SOX5: variants seen among roughly 807,000 people sequenced by gnomAD.
SOX5 encodes SRY-box transcription factor 5.
SOX5 carries 9 observed loss-of-function variants against 92.0 expected under a neutral mutation model. That is an observed-to-expected ratio of 0.10 (90% confidence interval 0.06 to 0.17). The LOEUF is 0.17. Among genes scored for constraint, SOX5 ranks in the 10% least tolerant of loss-of-function variants. The pLI, the probability that SOX5 is intolerant of heterozygous loss-of-function variation, is 1.00. For synonymous variants in SOX5, 344 were observed against 336.3 expected (o/e 1.02, Z -0.25); for missense variants, 642 against 944.5 (o/e 0.68, Z 4.20).
intron 4 of SOX5, among the ~76,000 whole-genome samples, chr12:24,035,134 G>A (rs1009171438): frequency 7.9e-5 from 12 of 152,044 alleles, no homozygotes; most frequent in Non-Finnish European, 1.6e-4. Context: ...TGGCAGTGAC[G>A]CCCTTTGTGA....
chr12:23,902,279 C>A (rs941862050), intron 1 of SOX5, among the ~76,000 whole-genome samples: 5 of 152,020 alleles, frequency 3.3e-5, no homozygotes, highest in African/African-American at 1.2e-4. Flanking sequence ...GATTGCTTTC[C>A]TTATATAGTA....
chr12:24,466,523 C>G (rs1436865885), intron 1 of SOX5, among the ~76,000 whole-genome samples: 1 of 152,184 alleles, frequency 6.6e-6, no homozygotes, highest in Non-Finnish European at 1.5e-5. Context: ...GTTTGTAGAA[C>G]ACATACTAGT....
chr12:24,475,147 G>A (rs1398133193), intron 1 of SOX5, among the ~76,000 whole-genome samples: 1 of 152,096 alleles, frequency 6.6e-6, no homozygotes, highest in Non-Finnish European at 1.5e-5. Context: ...CCCTTAATGA[G>A]AATTCTCTAT....
At chr12:23,777,186 C>T (rs897387700) in intron 3 of SOX5, among the ~76,000 whole-genome samples, 26 of 152,100 alleles carry the variant, frequency 1.7e-4, no homozygotes, top group African/African-American at 6.0e-4. Flanking sequence ...CTCAAGATTA[C>T]ATAGGATTTG....
At chr12:24,304,636 G>A (rs1387288326) in intron 2 of SOX5, among the ~76,000 whole-genome samples, 1 of 152,104 alleles carries the variant, frequency 6.6e-6, no homozygotes, top group Admixed American at 6.5e-5. Flanking sequence ...TCGTATTTTA[G>A]CTCAAATCAC....
chr12:23,537,991 T>A (rs1402063795), intron 13 of SOX5, among the ~76,000 whole-genome samples: 1 of 151,914 alleles, frequency 6.6e-6, no homozygotes. Flanking sequence ...GCAGATGAAG[T>A]GTGTTTATCT....
intron 3 of SOX5, among the ~76,000 whole-genome samples, chr12:23,780,338 T>C (rs2095250067): frequency 6.6e-6 from 1 of 151,998 alleles, no homozygotes; most frequent in Non-Finnish European, 1.5e-5. Flanking sequence ...CTAAGTTATA[T>C]GCTCAACACT....
At chr12:24,041,366 C>T (rs80231107) in intron 4 of SOX5, among the ~76,000 whole-genome samples, 2,182 of 152,234 alleles carry the variant, frequency 0.014, 22 homozygotes, top group Middle Eastern at 0.031. Flanking sequence ...ATATTACTTA[C>T]TAGCAATACC....
At chr12:24,400,899 A>C (rs78845718) in intron 1 of SOX5, among the ~76,000 whole-genome samples, 3,210 of 152,346 alleles carry the variant, frequency 0.021, 105 homozygotes, top group African/African-American at 0.07. Context: ...AAGTGTTGGC[A>C]CAGTATGGCC....
At chr12:23,822,248 CT>C (rs2096134527) in intron 3 of SOX5, among the ~76,000 whole-genome samples, 1 of 152,086 alleles carries the variant, frequency 6.6e-6, no homozygotes, top group African/African-American at 2.4e-5. Flanking sequence ...CCACTTTCTC[CT>C]GTGGGCATTT....
At chr12:24,015,844 T>G (rs1389949051) in intron 4 of SOX5, among the ~76,000 whole-genome samples, 1 of 151,440 alleles carries the variant, frequency 6.6e-6, no homozygotes, top group Non-Finnish European at 1.5e-5. Flanking sequence ...GGTGGTTAGC[T>G]CAAATGAAGC....
At chr12:23,651,899 T>C (rs1212533471) in intron 7 of SOX5, among the ~76,000 whole-genome samples, 1 of 151,820 alleles carries the variant, frequency 6.6e-6, no homozygotes, top group Admixed American at 6.6e-5. Context: ...AAAAATTATT[T>C]AGAAGGCTGA....
At chr12:23,884,661 T>A (rs2097042384) in intron 2 of SOX5, among the ~76,000 whole-genome samples, 2 of 152,220 alleles carry the variant, frequency 1.3e-5, no homozygotes, top group African/African-American at 4.8e-5. Flanking sequence ...GTGCAGAAAC[T>A]GAGCAGAATT....
intron 6 of SOX5, among the ~76,000 whole-genome samples, chr12:23,703,744 A>G (rs2090993693): frequency 6.6e-6 from 1 of 151,754 alleles, no homozygotes; most frequent in Admixed American, 6.6e-5. Flanking sequence ...ACACACACAC[A>G]CACACACAAA....
intron 3 of SOX5, among the ~76,000 whole-genome samples, chr12:24,270,548 G>T (rs1032630147): frequency 6.6e-6 from 1 of 152,126 alleles, no homozygotes; most frequent in Middle Eastern, 3.2e-3. Flanking sequence ...TATATGTACA[G>T]AATATGTTCA....
intron 6 of SOX5, among the ~76,000 whole-genome samples, chr12:23,672,163 A>G (rs368025550): frequency 6.6e-6 from 1 of 152,096 alleles, no homozygotes; most frequent in African/African-American, 2.4e-5. Flanking sequence ...GTCCCATTGC[A>G]AGTGCTAACT....
intron 3 of SOX5, among the ~76,000 whole-genome samples, chr12:24,224,241 C>G (rs1402174579): frequency 6.6e-6 from 1 of 152,012 alleles, no homozygotes; most frequent in Non-Finnish European, 1.5e-5. Flanking sequence ...GTGGACGAGG[C>G]TTTTAATGCT....
intron 1 of SOX5, among the ~76,000 whole-genome samples, chr12:24,482,448 G>GT (rs1432143498): frequency 6.6e-6 from 1 of 152,058 alleles, no homozygotes; most frequent in East Asian, 1.9e-4. Flanking sequence ...CAGAAATGGC[G>GT]TTTTCCCCAC....
At chr12:24,058,338 A>G (rs1569527771) in intron 4 of SOX5, among the ~76,000 whole-genome samples, 1 of 152,254 alleles carries the variant, frequency 6.6e-6, no homozygotes, top group African/African-American at 2.4e-5. Context: ...CTTTCACACA[A>G]TGCTACTATT....
Sources: gnomAD v4.1 joint callset for allele counts (sites outside exome capture counted in the v4.1 genomes callset) on GRCh38, gnomAD v4.1.1 for gene constraint, MANE v1.5 for transcripts, NCBI Gene and HGNC (gene_info 2026-07-23, HGNC 2026-07-21) for gene names.